Variants in BBS4 observed in about 807,000 individuals in gnomAD.
The protein encoded by BBS4 is Bardet-Biedl syndrome 4.
Under a neutral mutation model 71.4 loss-of-function variants are expected in BBS4, and 58 were observed. The ratio of observed to expected loss-of-function variants is 0.81; its 90% confidence interval spans 0.66 to 1.01. The LOEUF (loss-of-function observed/expected upper bound fraction) is 1.01, where lower values mean the gene tolerates loss of function less well. Ranked by LOEUF, BBS4 falls within the 50% of genes least tolerant of loss-of-function variation. BBS4 has a pLI of 0.00. For synonymous variants in BBS4, 228 were observed against 216.8 expected (o/e 1.05, Z -0.46); for missense variants, 660 against 607.9 (o/e 1.09, Z -0.90).
chr15:72,714,793 A>G (rs2065438890), intron 4 of BBS4, among the ~76,000 whole-genome samples: 1 of 152,220 alleles, frequency 6.6e-6, no homozygotes, highest in Non-Finnish European at 1.5e-5. Context: ...GGCCTAGGAA[A>G]AACCTCTGGT....
chr15:72,727,227 T>C (rs955483221), intron 8 of BBS4, among the ~76,000 whole-genome samples: 7 of 152,334 alleles, frequency 4.6e-5, no homozygotes, highest in Admixed American at 4.6e-4. Context: ...ACATTGTTCA[T>C]AGCCCTTTGG....
intron 2 of BBS4, 62 bp from the exon 3 acceptor site, chr15:72,709,638 A>AC: frequency 8.5e-7 from 1 of 1,179,932 alleles, no homozygotes; most frequent in Non-Finnish European, 1.3e-6. Context: ...AGACATGAGG[A>AC]CAGTGCTAAA....
chr15:72,692,560 G>C (rs1015070150), intron 1 of BBS4, among the ~76,000 whole-genome samples: 16 of 151,510 alleles, frequency 1.1e-4, no homozygotes, highest in Non-Finnish European at 1.6e-4. Context: ...CAATCGGCCT[G>C]CCTCAGCCTA....
chr15:72,734,024 TAG>T (rs1458846945), intron 12 of BBS4, among the ~76,000 whole-genome samples: 10 of 152,350 alleles, frequency 6.6e-5, no homozygotes, highest in South Asian at 2.1e-4. Flanking sequence ...TAATCAGTGA[TAG>T]AGTTTTTCAT....
chr15:72,704,320 ACT>A (rs1213484141), intron 2 of BBS4: 2 of 604,462 alleles, frequency 3.3e-6, no homozygotes, highest in Non-Finnish European at 5.4e-6. Flanking sequence ...AATAGGGGAG[ACT>A]CTGCTCTGCA....
intron 4 of BBS4, 66 bp downstream of exon 4, chr15:72,712,373 C>G: frequency 6.8e-7 from 1 of 1,471,984 alleles, no homozygotes; most frequent in East Asian, 2.3e-5. Context: ...TGAAAAAGAT[C>G]AGGCAATTGA....
chr15:72,697,516 A>G (rs986886791), intron 2 of BBS4, among the ~76,000 whole-genome samples: 4 of 151,796 alleles, frequency 2.6e-5, no homozygotes, highest in African/African-American at 9.7e-5. Flanking sequence ...TGTAACAACC[A>G]AAAGTGTCTC....
chr15:72,718,047 C>A (rs959599552), intron 6 of BBS4, among the ~76,000 whole-genome samples: 1 of 152,156 alleles, frequency 6.6e-6, no homozygotes, highest in African/African-American at 2.4e-5. Context: ...CGGGGTTTCA[C>A]CATGTTGGCT....
At chr15:72,733,715 A>G (rs1225919215) in intron 12 of BBS4, among the ~76,000 whole-genome samples, 1 of 152,208 alleles carries the variant, frequency 6.6e-6, no homozygotes, top group Non-Finnish European at 1.5e-5. Context: ...GCTATTGTGA[A>G]TAGTGCTGCA....
intron 6 of BBS4, among the ~76,000 whole-genome samples, chr15:72,722,465 A>G (rs955692720): frequency 6.6e-6 from 1 of 152,228 alleles, no homozygotes; most frequent in Non-Finnish European, 1.5e-5. Flanking sequence ...TCTCCTGAGA[A>G]GAAGGAGCAA....
At position 72,738,215 on chromosome 15, in the gene BBS4, T is replaced by G. The variant is rs1205080596; in HGVS notation, c.*628T>G. ...ATTTTGTTCTTGAGAGGGGTCAGTC[T>G]AGAAGCTAGATCCTATCAGGATGAG... On this transcript the variant is annotated 3_prime_UTR_variant, in exon 16 of 16. Transcript: ENST00000268057. The G allele has an allele frequency of 2.2e-6, 1 of 453,510 alleles. No homozygotes were observed. Among genetic ancestry groups the G allele is most frequent in the Non-Finnish European group, 4.4e-6 (1 of 226,612 alleles). 28.1% of individuals were successfully genotyped at this position (453,510 alleles called of 1,614,324 possible).
intron 1 of BBS4, among the ~76,000 whole-genome samples, chr15:72,687,760 C>T (rs377216089): frequency 1.3e-5 from 2 of 151,166 alleles, no homozygotes; most frequent in Non-Finnish European, 2.9e-5. Flanking sequence ...AAACCCTGTC[C>T]CTACTAAAAA....
Position 72,724,760 on chromosome 15 carries a change from T to C in BBS4, c.587+105T>C, listed in dbSNP as rs1033200165. On this transcript the variant is annotated intron_variant, in intron 8 of 15. Transcript: ENST00000268057. ...TGAATATGTTTGATTAATTACTTAC[T>C]GTATGAGTTAAAGGTTAAGCTGAAG... is the stretch of plus-strand genomic sequence containing the variant. The C allele has an allele frequency of 4.8e-6, 7 of 1,449,312 alleles. No individual in the cohort carries two copies. The African/African-American group carries it at 7.0e-5, about 15-fold the overall frequency. The allele number at this position is 1,449,312 out of a possible 1,614,324, so 89.8% of individuals were successfully genotyped here. A position where few individuals can be genotyped will look rare whatever the true frequency, so the allele number is the denominator to read the frequency against.
chr15:72,720,817 C>T (rs545349408), intron 6 of BBS4, among the ~76,000 whole-genome samples: 1 of 152,290 alleles, frequency 6.6e-6, no homozygotes, highest in South Asian at 2.1e-4. Context: ...TGCTGGGTTC[C>T]CTTACCTCCT....
chr15:72,729,667 G>A lies in BBS4; in HGVS notation c.694G>A (p.Asp232Asn), dbSNP rs1176928412. The change falls in exon 10 of 16, where the codon GAC (aspartate) becomes AAC (asparagine). Residue 232 changes from aspartate (D) to asparagine (N), a missense_variant. Transcript: ENST00000268057. ...ACATCTTGGCAATGCACTGACTTAT[G>A]ACCCTACCAACTACAAGGTATTACA... Reference protein sequence around the residue: ...FEHLGNALTYDPTNYKAILAA... With the variant: ...FEHLGNALTYNPTNYKAILAA... 1 of 1,613,880 alleles carries A rather than the reference G, an allele frequency of 6.2e-7. No individual in the cohort carries two copies. The highest frequency in any genetic ancestry group is 8.5e-7 in the Non-Finnish European group (1 of 1,179,984).
At chr15:72,725,820 CCCCT>C (rs2065672450) in intron 8 of BBS4, among the ~76,000 whole-genome samples, 1 of 15,728 alleles carries the variant, frequency 6.4e-5, no homozygotes, top group Non-Finnish European at 1.4e-4. Context: ...TTCCCCCATC[CCCCT>C]TTCCCCATCC....
At chr15:72,699,848 A>G (rs1345813895) in intron 2 of BBS4, among the ~76,000 whole-genome samples, 1 of 152,224 alleles carries the variant, frequency 6.6e-6, no homozygotes, top group Non-Finnish European at 1.5e-5. Flanking sequence ...GCTGTTTAGT[A>G]TTCAGTTGCA....
At chr15:72,722,986 T>TC (rs1350060797) in intron 7 of BBS4, 139 bp downstream of exon 7, 1 of 720,276 alleles carries the variant, frequency 1.4e-6, no homozygotes. Flanking sequence ...TACATTTTTT[T>TC]CTGTTTTAAT....
chr15:72,729,719 A>G (rs1471508278), intron 10 of BBS4, 35 bp downstream of exon 10: 2 of 1,574,248 alleles, frequency 1.3e-6, no homozygotes. Flanking sequence ...GCCTTCATAT[A>G]GACGGTCCCA....
Sources: gnomAD v4.1 joint callset for allele counts (sites outside exome capture counted in the v4.1 genomes callset) on GRCh38, gnomAD v4.1.1 for gene constraint, MANE v1.5 for transcripts, NCBI Gene and HGNC (gene_info 2026-07-23, HGNC 2026-07-21) for gene names.